The following FANK1 variants were observed in gnomAD, a reference collection of about 807,000 sequenced individuals.
The protein encoded by FANK1 is fibronectin type 3 and ankyrin repeat domains protein 1.
In FANK1, 44 loss-of-function variants were observed where a neutral mutation model predicts 45.3. The observed-to-expected ratio is 0.97, with a 90% confidence interval of 0.76 to 1.25. FANK1 has a LOEUF of 1.25. Ranked by LOEUF, FANK1 falls within the 50% of genes most tolerant of loss-of-function variation. FANK1 has a pLI of 0.00. For synonymous variants in FANK1, 149 were observed against 152.5 expected, an observed-to-expected ratio of 0.98 and a Z score of 0.17; for missense variants, 391 against 424.4, an observed-to-expected ratio of 0.92 and a Z score of 0.69.
At chr10:125,926,537 A>G (rs925383032) in intron 1 of FANK1, among the ~76,000 whole-genome samples, 2 of 152,306 alleles carry the variant, frequency 1.3e-5, no homozygotes, top group African/African-American at 4.8e-5. Context: ...CATGTAAATG[A>G]AACCATACAC....
intron 1 of FANK1, among the ~76,000 whole-genome samples, chr10:125,927,716 A>G (rs1229078277): frequency 7.9e-5 from 12 of 151,848 alleles, no homozygotes; most frequent in Non-Finnish European, 1.5e-4. Context: ...ACGCTTGGCT[A>G]ATTTTTTTTA....
intron 1 of FANK1, among the ~76,000 whole-genome samples, chr10:125,927,397 G>T (rs1947427673): frequency 1.3e-5 from 2 of 152,136 alleles, no homozygotes; most frequent in Admixed American, 1.3e-4. Context: ...CTTTAGACTT[G>T]TGAGTTCTAT....
At chr10:125,922,511 A>G (rs552532181) in intron 1 of FANK1, among the ~76,000 whole-genome samples, 2 of 152,320 alleles carry the variant, frequency 1.3e-5, no homozygotes, top group East Asian at 3.9e-4. Context: ...ACAGGTGGTC[A>G]GTACATCTTT....
chr10:125,971,221 C>T lies in FANK1; in HGVS notation c.14-8940C>T, dbSNP rs1486643690. On this transcript the variant is annotated intron_variant, in intron 1 of 10. Transcript: ENST00000368693. ...TCCTGTTGATGCAACTCTTCCTCTT[C>T]CAGATTTCATGCTGAACCTAATGCA... 2.6e-5 allele frequency among the ~76,000 whole-genome samples: 4 copies of T among 152,134 alleles called. No homozygotes were observed. The East Asian group carries it at 7.8e-4, about 30-fold the overall frequency.
intron 1 of FANK1, chr10:125,960,281 A>G: frequency 3.3e-6 from 1 of 302,702 alleles, no homozygotes; most frequent in Non-Finnish European, 6.6e-6. Flanking sequence ...CCTTTCAGGC[A>G]TTCTGCATGC....
intron 6 of FANK1, among the ~76,000 whole-genome samples, chr10:126,002,184 C>T (rs545870832): frequency 2.1e-4 from 32 of 151,918 alleles, no homozygotes; most frequent in Admixed American, 7.9e-4. Context: ...TGGTGTTGTA[C>T]GCCTGTAATC....
At chr10:125,949,187 C>T (rs1463097715) in intron 1 of FANK1, among the ~76,000 whole-genome samples, 2 of 151,700 alleles carry the variant, frequency 1.3e-5, no homozygotes, top group African/African-American at 4.9e-5. Flanking sequence ...AAACTGGAAG[C>T]ATTCCCTTTG....
intron 1 of FANK1, chr10:125,973,328 G>T (rs1471654914): frequency 9.5e-6 from 5 of 526,840 alleles, no homozygotes; most frequent in Admixed American, 6.4e-5. Context: ...TGGTTATTTT[G>T]GGGGTAATCC....
At chr10:125,907,592 G>A (rs1463604496) in intron 1 of FANK1, 52 of 664,992 alleles carry the variant, frequency 7.8e-5, no homozygotes, top group African/African-American at 5.4e-4. Flanking sequence ...GTGTGTGTGT[G>A]TGTATGTGTG....
chr10:125,926,567 G>T lies in FANK1; in HGVS notation c.13+29912G>T, dbSNP rs537951864. 5.2e-5 allele frequency among the ~76,000 whole-genome samples: 8 copies of T among 152,410 alleles called. No homozygotes were observed. In the East Asian group the frequency reaches 1.5e-3, roughly 29 times the overall value. On this transcript the variant is annotated intron_variant, in intron 1 of 10. Transcript: ENST00000368693. Reference sequence around the variant, plus strand: ...ATACACTGTCTGATATTTTGAGATTGAGTTTTTTTATTCAGCATAATTATC... The same window carrying T: ...ATACACTGTCTGATATTTTGAGATTTAGTTTTTTTATTCAGCATAATTATC...
intron 1 of FANK1, among the ~76,000 whole-genome samples, chr10:125,921,741 TTG>T (rs1303081679): frequency 6.6e-6 from 1 of 152,100 alleles, no homozygotes; most frequent in Non-Finnish European, 1.5e-5. Context: ...AAGCATATAG[TTG>T]TTTGTTTTGT....
chr10:125,994,391 A>G (rs11244753), intron 3 of FANK1: 243,127 of 984,918 alleles, frequency 0.25, 31,508 homozygotes, highest in East Asian at 0.31. Flanking sequence ...TGTTGAATGA[A>G]TAAATGAGAC....
intron 1 of FANK1, among the ~76,000 whole-genome samples, chr10:125,969,029 T>C (rs557802968): frequency 3.3e-5 from 5 of 152,360 alleles, no homozygotes; most frequent in African/African-American, 1.2e-4. Context: ...AAAGCTTTTA[T>C]GGTACGTAAC....
chr10:125,995,444 A>G lies in FANK1; in HGVS notation c.344A>G (p.His115Arg), dbSNP rs1464548896. ...TREPISSEHL[H>R]RAVSVNDEDL... ...GAGCCCATAAGTAGTGAGCACTTGCACCGGGCTGTCAGTGTGAATGATGAA... is the reference window on the plus strand; with the variant it reads ...GAGCCCATAAGTAGTGAGCACTTGCGCCGGGCTGTCAGTGTGAATGATGAA... The change falls in exon 4 of 11, where the codon CAC (histidine) becomes CGC (arginine). Residue 115 changes from histidine (H) to arginine (R), a missense_variant. Transcript: ENST00000368693. 1 of 1,614,086 alleles carries G rather than the reference A, an allele frequency of 6.2e-7. No homozygotes were observed. The highest frequency in any genetic ancestry group is 8.5e-7 in the Non-Finnish European group (1 of 1,180,026).
chr10:125,987,184 T>C (rs1462148337), intron 2 of FANK1, among the ~76,000 whole-genome samples: 2 of 152,160 alleles, frequency 1.3e-5, no homozygotes, highest in African/African-American at 4.8e-5. Flanking sequence ...TGTTGACAGG[T>C]TCATTTTGGC....
chr10:125,911,923 C>T (rs931744299), intron 1 of FANK1, among the ~76,000 whole-genome samples: 14 of 152,250 alleles, frequency 9.2e-5, no homozygotes, highest in Non-Finnish European at 1.8e-4. Flanking sequence ...ATGATATACT[C>T]AACAGCATCT....
intron 2 of FANK1, among the ~76,000 whole-genome samples, chr10:125,982,882 G>T (rs193210314): frequency 6.7e-6 from 1 of 150,352 alleles, no homozygotes; most frequent in Admixed American, 6.6e-5. Flanking sequence ...CACCTGCCCA[G>T]TGTATTTTCT....
intron 1 of FANK1, among the ~76,000 whole-genome samples, chr10:125,978,648 T>A (rs1951000731): frequency 6.6e-6 from 1 of 152,142 alleles, no homozygotes; most frequent in Non-Finnish European, 1.5e-5. Context: ...CCTTCTGCCC[T>A]GTGTTGGCTC....
At position 125,918,588 on chromosome 10, in the gene FANK1, AT is replaced by A. The variant is rs1564871089; in HGVS notation, c.13+21934del. Among the ~76,000 whole-genome samples the A allele has an allele frequency of 3.8e-3, 356 of 94,046 alleles. 9 individuals carry two copies. Among genetic ancestry groups the A allele is most frequent in the African/African-American group, 0.01 (239 of 23,596 alleles). The allele number at this position is 94,046 out of a possible 152,430, so 61.7% of individuals were successfully genotyped here. A position where few individuals can be genotyped will look rare whatever the true frequency, so the allele number is the denominator to read the frequency against. The stretch of plus-strand genomic sequence containing the variant: ...AAAAAAAAAAAAAAAAAAAAAAAAT[AT>A]ATATATATATATATATATAGTTATA... On this transcript the variant is annotated intron_variant, in intron 1 of 10. Transcript: ENST00000368693.
Sources: allele counts gnomAD v4.1 joint callset (sites outside exome capture counted in the v4.1 genomes callset), GRCh38; gene constraint gnomAD v4.1.1; transcripts MANE v1.5; gene names NCBI Gene and HGNC (gene_info 2026-07-23, HGNC 2026-07-21).